The following TAOK1 variants were observed in gnomAD, a reference collection of about 807,000 sequenced individuals.
TAOK1 encodes TAO kinase 1, also known as serine/threonine-protein kinase TAO1.
TAOK1 carries 21 observed loss-of-function variants against 138.3 expected under a neutral mutation model. The ratio of observed to expected loss-of-function variants is 0.15; its 90% CI spans 0.11 to 0.22. The LOEUF is 0.22. Among genes scored for constraint, TAOK1 ranks in the 10% least tolerant of loss-of-function variants. TAOK1 has a pLI of 1.00. For missense variants in TAOK1, 651 were observed against 1,227.7 expected (o/e 0.53, Z 7.02); for synonymous variants, 361 against 398.4 (o/e 0.91, Z 1.12).
At chr17:29,485,413 A>G (rs511093) in intron 8 of TAOK1, among the ~76,000 whole-genome samples, 57,227 of 151,926 alleles carry the variant, frequency 0.38, 11,848 homozygotes, top group Non-Finnish European at 0.47. Flanking sequence ...AAGGCGGAAG[A>G]ATTGCTTAAA....
At chr17:29,393,388 C>A (rs1234598793) in intron 1 of TAOK1, among the ~76,000 whole-genome samples, 1 of 151,632 alleles carries the variant, frequency 6.6e-6, no homozygotes, top group Non-Finnish European at 1.5e-5. Flanking sequence ...GAAAAAAAAA[C>A]AACTCTCTTT....
At chr17:29,508,895 T>G (rs1280897533) in intron 14 of TAOK1, among the ~76,000 whole-genome samples, 1 of 152,174 alleles carries the variant, frequency 6.6e-6, no homozygotes, top group Non-Finnish European at 1.5e-5. Flanking sequence ...TTACTTTTTT[T>G]GATAGCCATG....
chr17:29,444,758 A>G (rs1250085239), intron 1 of TAOK1, among the ~76,000 whole-genome samples: 3 of 152,230 alleles, frequency 2.0e-5, no homozygotes, highest in African/African-American at 2.4e-5. Context: ...ATCAGTTAGA[A>G]GAGAATTACC....
chr17:29,391,297 G>A (rs117971113), intron 1 of TAOK1, among the ~76,000 whole-genome samples: 2,315 of 152,264 alleles, frequency 0.015, 25 homozygotes, highest in Middle Eastern at 0.088. Flanking sequence ...CTCACAGGGA[G>A]ACTGGGTTGA....
intron 1 of TAOK1, among the ~76,000 whole-genome samples, chr17:29,428,691 T>C (rs1905725487): frequency 6.6e-6 from 1 of 152,102 alleles, no homozygotes; most frequent in African/African-American, 2.4e-5. Flanking sequence ...TGGAGTGCAG[T>C]GGGTTAACTG....
chr17:29,397,674 TAC>T (rs1449683590), intron 1 of TAOK1, among the ~76,000 whole-genome samples: 28 of 146,696 alleles, frequency 1.9e-4, no homozygotes, highest in East Asian at 1.2e-3. Flanking sequence ...GATACATGTA[TAC>T]ATGTATACAT....
Position 29,503,118 on chromosome 17 carries a change from C to T in TAOK1, c.1338+395C>T, listed in dbSNP as rs541665435. On this transcript the variant is annotated intron_variant, in intron 13 of 19. Transcript: ENST00000261716. The stretch of plus-strand genomic sequence containing the variant: ...ATTTCCATATAAGAAGAATGTGGGC[C>T]GGGCACAGTGGCTCATGCCTGTAAT... Among the ~76,000 whole-genome samples the T allele has an allele frequency of 1.3e-3, 191 of 152,068 alleles. 11 individuals carry two copies. The highest frequency in any genetic ancestry group is 1.3e-3 in the African/African-American group (53 of 41,486).
At chr17:29,529,030 G>C (rs968173871) in intron 17 of TAOK1, among the ~76,000 whole-genome samples, 2 of 143,464 alleles carry the variant, frequency 1.4e-5, no homozygotes, top group Non-Finnish European at 3.0e-5. Flanking sequence ...AGAGTCCAAT[G>C]ATGCAATCAT....
chr17:29,501,277 G>T (rs1598509925), intron 12 of TAOK1, among the ~76,000 whole-genome samples: 2 of 150,770 alleles, frequency 1.3e-5, no homozygotes, highest in East Asian at 3.9e-4. Context: ...TGTGGCATAT[G>T]CCTGTGGCCC....
At position 29,510,937 on chromosome 17, in the gene TAOK1, G is replaced by A; in HGVS notation, c.1649G>A (p.Ser550Asn). The A allele has an allele frequency of 1.9e-6, 3 of 1,611,354 alleles. No individual in the cohort carries two copies. The highest frequency in any genetic ancestry group is 1.1e-5 in the South Asian group (1 of 90,542). ...IQAQQKKELNSFLESQKREYK... is the reference protein window; with the variant it reads ...IQAQQKKELNNFLESQKREYK... ...GCCCAACAGAAGAAAGAACTGAATA[G>A]TTTTCTCGAGTCCCAGAAAAGAGAG... Residue 550 changes from serine (S) to asparagine (N), a missense_variant, in exon 15 of 20, where the codon AGT (serine) becomes AAT (asparagine). Ser to Asn is a conservative substitution (Grantham distance 46, BLOSUM62 1). Coordinates refer to ENST00000261716, the MANE Select transcript of TAOK1 (RefSeq NM_020791.4).
In TAOK1 at chr17:29,543,660, TC is replaced by T. The variant is rs1208155934; in HGVS notation, c.*640del. 1 of 152,466 alleles carries T rather than the reference TC, an allele frequency of 6.6e-6. No individual in the cohort carries two copies. 9.4% of individuals were successfully genotyped at this position (152,466 alleles called of 1,614,324 possible). The stretch of plus-strand genomic sequence containing the variant: ...TTTTGGCTAAGATCAAGTGTAGAAA[TC>T]CATGAACACTAAAGGACTTCATTGA... On this transcript the variant is annotated 3_prime_UTR_variant, in exon 20 of 20. Transcript: ENST00000261716.
At chr17:29,495,457 T>G in intron 10 of TAOK1, 103 bp from the exon 11 acceptor site, 1 of 888,046 alleles carries the variant, frequency 1.1e-6, no homozygotes, top group East Asian at 2.6e-5. Flanking sequence ...AGCTATAGAT[T>G]ACATGCATTA....
At chr17:29,470,206 A>G (rs184882454) in intron 3 of TAOK1, among the ~76,000 whole-genome samples, 26 of 152,318 alleles carry the variant, frequency 1.7e-4, no homozygotes, top group African/African-American at 4.3e-4. Flanking sequence ...AAGAGTAACT[A>G]TGTTTAGGAT....
intron 1 of TAOK1, among the ~76,000 whole-genome samples, chr17:29,400,726 C>T (rs1057226259): frequency 1.3e-5 from 2 of 152,118 alleles, no homozygotes; most frequent in East Asian, 1.9e-4. Flanking sequence ...AAAGCAAGGA[C>T]TTTCCCATAA....
intron 2 of TAOK1, among the ~76,000 whole-genome samples, chr17:29,465,067 C>T (rs183454867): frequency 3.3e-5 from 5 of 150,382 alleles, no homozygotes; most frequent in East Asian, 3.9e-4. Flanking sequence ...GTGATCCACC[C>T]GCCTCGGCCT....
chr17:29,466,677 T>C (rs2153025623), intron 2 of TAOK1, among the ~76,000 whole-genome samples: 1 of 152,354 alleles, frequency 6.6e-6, no homozygotes, highest in African/African-American at 2.4e-5. Context: ...AAAACTGTTT[T>C]TCACTGAAGA....
rs1196819648 is a variant in TAOK1 at position 29,550,831 on chromosome 17, T to G, written c.*7809T>G. ...AAATTTTTTAAAAGAAAGAAATTAG[T>G]ACATCATTTTCTCTGGATTTTCTTC... On this transcript the variant is annotated 3_prime_UTR_variant, in exon 20 of 20. Transcript: ENST00000261716. 6.6e-6 allele frequency: 1 copy of G among 152,602 alleles called. No homozygotes were observed. Among genetic ancestry groups the G allele is most frequent in the Admixed American group, 6.5e-5 (1 of 15,272 alleles). 9.5% of individuals were successfully genotyped at this position (152,602 alleles called of 1,614,324 possible). A position where few individuals can be genotyped will look rare whatever the true frequency, so the allele number is the denominator to read the frequency against.
chr17:29,532,888 G>T (rs542526370), intron 18 of TAOK1, among the ~76,000 whole-genome samples: 1 of 151,880 alleles, frequency 6.6e-6, no homozygotes, highest in Non-Finnish European at 1.5e-5. Context: ...GTGGTGGCCG[G>T]GCAGAGGCGC....
chr17:29,548,346 A>T lies in TAOK1; in HGVS notation c.*5324A>T, dbSNP rs543865036. 2 of 152,142 alleles carry T rather than the reference A, an allele frequency of 1.3e-5. No individual in the cohort carries two copies. Among genetic ancestry groups the T allele is most frequent in the Non-Finnish European group, 2.9e-5 (2 of 67,984 alleles). The allele number at this position is 152,142 out of a possible 1,614,324, so 9.4% of individuals were successfully genotyped here. A position where few individuals can be genotyped will look rare whatever the true frequency, so the allele number is the denominator to read the frequency against. ...AATTAAAACTGGGGAGCCATTTACT[A>T]TGTCACCATCACTGTTAACTGTTTC... On this transcript the variant is annotated 3_prime_UTR_variant, in exon 20 of 20. Coordinates refer to ENST00000261716, the MANE Select transcript of TAOK1 (RefSeq NM_020791.4).
Sources: allele counts gnomAD v4.1 joint callset (sites outside exome capture counted in the v4.1 genomes callset), GRCh38; gene constraint gnomAD v4.1.1; transcripts MANE v1.5; gene names NCBI Gene and HGNC (gene_info 2026-07-23, HGNC 2026-07-21).